ANGPT1: variants seen among roughly 807,000 people sequenced by gnomAD.
ANGPT1 encodes angiopoietin 1, also known as angiopoietin-1.
Under a neutral mutation model 62.2 loss-of-function variants are expected in ANGPT1, and 17 were observed. That is an observed-to-expected ratio of 0.27 (90% confidence interval 0.19 to 0.41). The LOEUF is 0.41. ANGPT1 is among the 10% of genes least tolerant of loss of function. The pLI, the probability that ANGPT1 is intolerant of heterozygous loss-of-function variation, is 1.00. For synonymous variants in ANGPT1, 199 were observed against 198.9 expected (o/e 1.00, Z 0.00); for missense variants, 478 against 594.9 (o/e 0.80, Z 2.04).
intron 1 of ANGPT1, among the ~76,000 whole-genome samples, chr8:107,387,729 C>T (rs1424160690): frequency 2.6e-5 from 4 of 151,880 alleles, no homozygotes; most frequent in African/African-American, 9.7e-5. Context: ...AATTCAGATT[C>T]TGGCTGTGCA....
At chr8:107,330,114 T>A (rs907602105) in intron 3 of ANGPT1, among the ~76,000 whole-genome samples, 1 of 152,162 alleles carries the variant, frequency 6.6e-6, no homozygotes, top group Non-Finnish European at 1.5e-5. Flanking sequence ...ACATCAAATA[T>A]GTCTGAAATA....
At chr8:107,330,773 T>G (rs1177332276) in intron 3 of ANGPT1, among the ~76,000 whole-genome samples, 1 of 152,094 alleles carries the variant, frequency 6.6e-6, no homozygotes, top group African/African-American at 2.4e-5. Context: ...CAACAGTGAC[T>G]GGTGAGTTGT....
intron 1 of ANGPT1, among the ~76,000 whole-genome samples, chr8:107,357,380 C>G (rs1409520014): frequency 6.6e-6 from 1 of 152,084 alleles, no homozygotes; most frequent in African/African-American, 2.4e-5. Flanking sequence ...AACAAAATTG[C>G]AAACATGTCT....
chr8:107,468,397 G>A (rs958316985), intron 1 of ANGPT1, among the ~76,000 whole-genome samples: 1 of 151,990 alleles, frequency 6.6e-6, no homozygotes, highest in African/African-American at 2.4e-5. Flanking sequence ...CAAACCAGTT[G>A]TTAGGCTGAA....
intron 8 of ANGPT1, among the ~76,000 whole-genome samples, chr8:107,260,967 T>C (rs1342401664): frequency 6.6e-6 from 1 of 152,192 alleles, no homozygotes; most frequent in East Asian, 1.9e-4. Context: ...TTTGCTTCAC[T>C]CCATATTTTC....
chr8:107,264,136 A>C, intron 8 of ANGPT1, 85 bp downstream of exon 8: 2 of 1,467,232 alleles, frequency 1.4e-6, no homozygotes, highest in Non-Finnish European at 1.8e-6. Flanking sequence ...CCTGACCATA[A>C]GATCATACTC....
chr8:107,266,995 A>G (rs1389372110), intron 7 of ANGPT1, among the ~76,000 whole-genome samples: 1 of 152,022 alleles, frequency 6.6e-6, no homozygotes, highest in African/African-American at 2.4e-5. Flanking sequence ...TACTCTTTTC[A>G]TATTAACAAT....
At chr8:107,297,975 T>A (rs1814460132) in intron 5 of ANGPT1, among the ~76,000 whole-genome samples, 1 of 151,892 alleles carries the variant, frequency 6.6e-6, no homozygotes, top group African/African-American at 2.4e-5. Context: ...TATTGTGTGG[T>A]CTGTGCTATC....
At chr8:107,418,976 T>C (rs1347490705) in intron 1 of ANGPT1, among the ~76,000 whole-genome samples, 1 of 152,226 alleles carries the variant, frequency 6.6e-6, no homozygotes, top group African/African-American at 2.4e-5. Flanking sequence ...TATCTTTTAC[T>C]TCTCTTCTGA....
chr8:107,318,531 A>C (rs1815073699), intron 4 of ANGPT1, among the ~76,000 whole-genome samples: 1 of 152,224 alleles, frequency 6.6e-6, no homozygotes, highest in Non-Finnish European at 1.5e-5. Context: ...TTTAGAAGGC[A>C]CTAAAATAAA....
intron 1 of ANGPT1, among the ~76,000 whole-genome samples, chr8:107,401,300 T>A (rs1817043511): frequency 6.6e-6 from 1 of 152,132 alleles, no homozygotes; most frequent in South Asian, 2.1e-4. Context: ...ACTATTTCAT[T>A]TCCGCTTCTT....
At chr8:107,404,634 T>A (rs1433193) in intron 1 of ANGPT1, among the ~76,000 whole-genome samples, 46,399 of 151,996 alleles carry the variant, frequency 0.31, 8,688 homozygotes, top group Middle Eastern at 0.46. Context: ...TACTTTGCTA[T>A]TATAAAAGAT....
chr8:107,467,572 G>A, intron 1 of ANGPT1, among the ~76,000 whole-genome samples: 1 of 152,030 alleles, frequency 6.6e-6, no homozygotes, highest in East Asian at 1.9e-4. Flanking sequence ...TAAGAATAAA[G>A]TCTAGGTTGA....
chr8:107,413,674 A>G (rs1810652945), intron 1 of ANGPT1, among the ~76,000 whole-genome samples: 2 of 150,628 alleles, frequency 1.3e-5, no homozygotes, highest in South Asian at 4.1e-4. Flanking sequence ...TATAAAATTT[A>G]TATGGAAATA....
intron 2 of ANGPT1, among the ~76,000 whole-genome samples, chr8:107,339,790 G>A (rs1815655619): frequency 6.6e-6 from 1 of 152,104 alleles, no homozygotes; most frequent in Non-Finnish European, 1.5e-5. Flanking sequence ...CTGTCTTTCA[G>A]GCTTGAGTCA....
At chr8:107,452,142 C>T (rs544446827) in intron 1 of ANGPT1, among the ~76,000 whole-genome samples, 9 of 151,510 alleles carry the variant, frequency 5.9e-5, no homozygotes, top group Admixed American at 1.3e-4. Context: ...CCTTCTGACA[C>T]GATGTCTACC....
intron 7 of ANGPT1, among the ~76,000 whole-genome samples, chr8:107,274,219 A>G (rs1032270821): frequency 9.2e-5 from 14 of 152,108 alleles, no homozygotes; most frequent in Admixed American, 7.9e-4. Context: ...TGTACTTTAA[A>G]CAGGCACCCT....
chr8:107,264,487 G>A, intron 7 of ANGPT1, 136 bp from the exon 8 acceptor site: 2 of 1,062,356 alleles, frequency 1.9e-6, no homozygotes, highest in Non-Finnish European at 1.3e-6. Flanking sequence ...CAAACCTCTA[G>A]GAGACCCAAG....
At chr8:107,472,569 T>C (rs1812392217) in intron 1 of ANGPT1, among the ~76,000 whole-genome samples, 1 of 152,088 alleles carries the variant, frequency 6.6e-6, no homozygotes, top group Non-Finnish European at 1.5e-5. Context: ...ATGGCTATAA[T>C]TTGTTAAACA....
Sources: gnomAD v4.1 joint callset for allele counts (sites outside exome capture counted in the v4.1 genomes callset) on GRCh38, gnomAD v4.1.1 for gene constraint, MANE v1.5 for transcripts, NCBI Gene and HGNC (gene_info 2026-07-23, HGNC 2026-07-21) for gene names.